The following PFKFB3 variants were observed in gnomAD, a reference collection of about 807,000 sequenced individuals.
The protein encoded by PFKFB3 is 6-phosphofructo-2-kinase/fructose-2,6-bisphosphatase 3.
In PFKFB3, 33 loss-of-function variants were observed where a neutral mutation model predicts 68.0. The ratio of observed to expected loss-of-function variants is 0.49; its 90% confidence interval spans 0.37 to 0.65. The LOEUF (loss-of-function observed/expected upper bound fraction) is 0.65. Among genes scored for constraint, PFKFB3 ranks in the 30% least tolerant of loss-of-function variants. The pLI, the probability that PFKFB3 is intolerant of heterozygous loss-of-function variation, is 0.00. For missense variants in PFKFB3, 586 were observed against 712.2 expected (o/e 0.82, Z 2.02); for synonymous variants, 315 against 288.2 (o/e 1.09, Z -0.94).
upstream of PFKFB3, among the ~76,000 whole-genome samples, chr10:6,199,658 ATTTTTTTTTTT>A (rs143309528): frequency 2.7e-3 from 201 of 75,610 alleles, 1 homozygote; most frequent in African/African-American, 0.011. Flanking sequence ...CTATTTTTAA[ATTTTTTTTTTT>A]TTTTTTTTTT....
downstream of PFKFB3, among the ~76,000 whole-genome samples, chr10:6,236,311 T>C (rs1056694877): frequency 3.9e-5 from 6 of 152,236 alleles, no homozygotes; most frequent in Non-Finnish European, 7.3e-5. Flanking sequence ...AGCGTCTGCA[T>C]CTCTGCAGAT....
chr10:6,251,758 C>G (rs947324531), intron 14 of PFKFB3, among the ~76,000 whole-genome samples: 3 of 152,146 alleles, frequency 2.0e-5, no homozygotes, highest in Admixed American at 2.0e-4. Context: ...ATCACGAGGT[C>G]AGGAGTTCAA....
the PFKFB3 span, among the ~76,000 whole-genome samples, chr10:6,297,000 T>A: frequency 1.3e-5 from 2 of 152,216 alleles, no homozygotes; most frequent in Admixed American, 6.5e-5. Flanking sequence ...GGTAAAGGGA[T>A]AATTAAAGCT....
intron 1 of PFKFB3, among the ~76,000 whole-genome samples, chr10:6,194,805 G>T (rs1048453911): frequency 2.6e-5 from 4 of 152,096 alleles, no homozygotes; most frequent in African/African-American, 9.7e-5. Context: ...GCTTCACTCT[G>T]TGAAGGGCAT....
chr10:6,162,672 T>G (rs1291759195), intron 1 of PFKFB3, among the ~76,000 whole-genome samples: 3 of 152,240 alleles, frequency 2.0e-5, no homozygotes, highest in Non-Finnish European at 4.4e-5. Context: ...ATTCCTGACA[T>G]ACTCAATTGA....
intron 1 of PFKFB3, among the ~76,000 whole-genome samples, chr10:6,156,164 T>TGTGTGTGTGTGTGTG (rs57110752): frequency 6.6e-6 from 1 of 151,640 alleles, no homozygotes; most frequent in East Asian, 1.9e-4. Flanking sequence ...TGTGTGTGTG[T>TGTGTGTGTGTGTGTG]ATTTTTAGAG....
the PFKFB3 span, among the ~76,000 whole-genome samples, chr10:6,274,673 C>T: frequency 1.3e-5 from 2 of 151,818 alleles, no homozygotes; most frequent in Non-Finnish European, 2.9e-5. Flanking sequence ...ATAGTGAGAC[C>T]CCATCTAAAA....
the PFKFB3 span, among the ~76,000 whole-genome samples, chr10:6,279,237 ATT>A: frequency 6.6e-5 from 10 of 152,236 alleles, no homozygotes. Flanking sequence ...GTAAATGTGA[ATT>A]TTTAAAATGT....
intron 6 of PFKFB3, 90 bp from the exon 7 acceptor site, chr10:6,219,479 C>A: frequency 1.4e-6 from 2 of 1,396,160 alleles, no homozygotes; most frequent in Non-Finnish European, 2.0e-6. Flanking sequence ...GCCTTCTGTG[C>A]GCTCCCCTTT....
At chr10:6,219,720 C>T in intron 7 of PFKFB3, 27 bp downstream of exon 7, 1 of 1,610,092 alleles carries the variant, frequency 6.2e-7, no homozygotes, top group South Asian at 1.1e-5. Context: ...GCCGTCTCTG[C>T]AAGACCCACA....
At position 6,208,342 on chromosome 10, in the gene PFKFB3, G is replaced by C. The variant is rs374809017; in HGVS notation, c.76+5006G>C. Among the ~76,000 whole-genome samples the C allele has an allele frequency of 3.5e-5, 5 of 142,520 alleles. No individual in the cohort carries two copies. The East Asian group carries it at 6.6e-4, about 19-fold the overall frequency. The allele number at this position is 142,520 out of a possible 152,430, so 93.5% of individuals were successfully genotyped here. On this transcript the variant is annotated intron_variant, in intron 1 of 14. Transcript: ENST00000379775. Reference sequence around the variant, plus strand: ...CCCCCTTGGCCTCCCAAAGTGCTGGGATTACAGGTGTAAGCCAGGGTACCT... The same window carrying C: ...CCCCCTTGGCCTCCCAAAGTGCTGGCATTACAGGTGTAAGCCAGGGTACCT...
intron 5 of PFKFB3, 90 bp from the exon 6 acceptor site, chr10:6,217,045 C>A: frequency 7.5e-7 from 1 of 1,328,876 alleles, no homozygotes; most frequent in Non-Finnish European, 1.1e-6. Flanking sequence ...TGGCGTGCTT[C>A]CGCCTTGTCC....
the PFKFB3 span, among the ~76,000 whole-genome samples, chr10:6,273,716 T>C: frequency 6.6e-6 from 1 of 152,168 alleles, no homozygotes; most frequent in Non-Finnish European, 1.5e-5. Flanking sequence ...TAATCCAGTA[T>C]GGCTGATGTC....
intron 1 of PFKFB3, among the ~76,000 whole-genome samples, chr10:6,211,680 C>T (rs937889061): frequency 6.6e-6 from 1 of 152,202 alleles, no homozygotes; most frequent in Non-Finnish European, 1.5e-5. Flanking sequence ...GCTCAGGATG[C>T]CCGGCTCACC....
At chr10:6,320,162 C>G in the PFKFB3 span, among the ~76,000 whole-genome samples, 1 of 152,156 alleles carries the variant, frequency 6.6e-6, no homozygotes, top group East Asian at 1.9e-4. Context: ...GATCATGTCA[C>G]TGCACTCCAG....
chr10:6,166,512 T>C (rs953953352), intron 1 of PFKFB3, among the ~76,000 whole-genome samples: 2 of 152,170 alleles, frequency 1.3e-5, no homozygotes, highest in African/African-American at 4.8e-5. Context: ...TGTTTGTGTA[T>C]TGATTGATTT....
At chr10:6,225,367 C>CT (rs1845272764) in intron 13 of PFKFB3, 3 of 376,322 alleles carry the variant, frequency 8.0e-6, no homozygotes, top group Non-Finnish European at 1.6e-5. Flanking sequence ...GCTGGGGTCC[C>CT]TTGGCCGCCT....
At chr10:6,219,093 A>T (rs751491645) in intron 6 of PFKFB3, among the ~76,000 whole-genome samples, 1 of 152,252 alleles carries the variant, frequency 6.6e-6, no homozygotes, top group African/African-American at 2.4e-5. Context: ...GACTGGTCAC[A>T]CTGGGGCTGC....
At chr10:6,321,273 T>C in the PFKFB3 span, among the ~76,000 whole-genome samples, 1 of 152,164 alleles carries the variant, frequency 6.6e-6, no homozygotes, top group Non-Finnish European at 1.5e-5. Context: ...AACTGATGCC[T>C]TTATTCCTCC....
Sources: gnomAD v4.1 joint callset for allele counts (sites outside exome capture counted in the v4.1 genomes callset) on GRCh38, gnomAD v4.1.1 for gene constraint, MANE v1.5 for transcripts, NCBI Gene and HGNC (gene_info 2026-07-23, HGNC 2026-07-21) for gene names.